Variants in ZZZ3 observed in about 807,000 individuals in gnomAD.
The protein encoded by ZZZ3 is ZZ-type zinc finger-containing protein 3.
ZZZ3 carries 22 observed loss-of-function variants against 95.2 expected under a neutral mutation model. The observed-to-expected ratio is 0.23, with a 90% CI of 0.17 to 0.33. The LOEUF (loss-of-function observed/expected upper bound fraction) is 0.33, where lower values mean the gene tolerates loss of function less well. Among genes scored for constraint, ZZZ3 ranks in the 10% least tolerant of loss-of-function variants. The pLI is 1.00. For synonymous variants in ZZZ3, 335 were observed against 358.9 expected, an observed-to-expected ratio of 0.93 and a Z score of 0.75; for missense variants, 885 against 1,066.5, an observed-to-expected ratio of 0.83 and a Z score of 2.37.
intron 1 of ZZZ3, among the ~76,000 whole-genome samples, chr1:77,668,756 T>C (rs1671476634): frequency 6.6e-6 from 1 of 152,124 alleles, no homozygotes; most frequent in Middle Eastern, 3.4e-3. Context: ...CACAAAAAAG[T>C]GACTATAAAC....
At chr1:77,634,427 T>A (rs1668115747) in intron 4 of ZZZ3, among the ~76,000 whole-genome samples, 1 of 152,168 alleles carries the variant, frequency 6.6e-6, no homozygotes, top group Non-Finnish European at 1.5e-5. Context: ...AAAATCACAA[T>A]GCTAGCTTGC....
chr1:77,604,113 G>A (rs1022642352), intron 5 of ZZZ3, among the ~76,000 whole-genome samples: 2 of 152,202 alleles, frequency 1.3e-5, no homozygotes, highest in African/African-American at 4.8e-5. Context: ...GCTGCAGGCT[G>A]CTATGTCTCC....
chr1:77,615,048 G>A lies in ZZZ3; in HGVS notation c.1505+16802C>T, dbSNP rs1570511139. 3 of 152,336 alleles carry A rather than the reference G, an allele frequency of 2.0e-5. 1 individual carries two copies. Among genetic ancestry groups the A allele is most frequent in the Admixed American group, 2.0e-4 (3 of 15,298 alleles). 9.4% of individuals were successfully genotyped at this position (152,336 alleles called of 1,614,324 possible). A position where few individuals can be genotyped will look rare whatever the true frequency, so the allele number is the denominator to read the frequency against. On this transcript the variant is annotated intron_variant, in intron 5 of 14. Transcript: ENST00000370801. The stretch of plus-strand genomic sequence containing the variant: ...GGCAGCAAGAGTGGAGGAATCCAGA[G>A]CAATCACTGCCTCCACACTGGTACA...
At chr1:77,682,832 C>T (rs1018326816), upstream of ZZZ3, among the ~76,000 whole-genome samples, 7 of 152,254 alleles carry the variant, frequency 4.6e-5, no homozygotes, top group African/African-American at 1.7e-4. Context: ...AGTCTTTCCG[C>T]TTTATACGTC....
chr1:77,567,057 G>A lies in ZZZ3; in HGVS notation c.2467-876C>T, dbSNP rs149332423. Among the ~76,000 whole-genome samples the A allele has an allele frequency of 3.5e-3, 528 of 152,308 alleles. 4 individuals carry two copies. Among genetic ancestry groups the A allele is most frequent in the Middle Eastern group, 0.02 (6 of 294 alleles). ...TCAAGAGGGAAAATCATTTAATATA[G>A]TATGGTTACTGGCTACTCTAGAGGA... On this transcript the variant is annotated intron_variant, in intron 13 of 14. Coordinates refer to ENST00000370801, the MANE Select transcript of ZZZ3 (RefSeq NM_015534.6).
chr1:77,582,500 AAC>A (rs908463066), intron 6 of ZZZ3, among the ~76,000 whole-genome samples: 3 of 152,124 alleles, frequency 2.0e-5, no homozygotes, highest in African/African-American at 7.2e-5. Context: ...TGTCCACTAA[AAC>A]AAACAAGTTA....
At chr1:77,672,033 T>A (rs1671830754) in intron 1 of ZZZ3, among the ~76,000 whole-genome samples, 1 of 152,124 alleles carries the variant, frequency 6.6e-6, no homozygotes, top group Non-Finnish European at 1.5e-5. Context: ...CAATAAGAGA[T>A]TTCATCAGGA....
chr1:77,615,507 C>G (rs1666224427), intron 5 of ZZZ3, among the ~76,000 whole-genome samples: 2 of 152,128 alleles, frequency 1.3e-5, no homozygotes, highest in Admixed American at 1.3e-4. Flanking sequence ...TGCAAAATGC[C>G]TATGGAGTTG....
chr1:77,665,136 G>C (rs1023821336), intron 1 of ZZZ3, among the ~76,000 whole-genome samples: 1 of 152,164 alleles, frequency 6.6e-6, no homozygotes, highest in African/African-American at 2.4e-5. Flanking sequence ...AACTTGATCT[G>C]GCAATAGAGT....
chr1:77,570,460 TTC>T (rs754503779), intron 12 of ZZZ3, among the ~76,000 whole-genome samples: 197 of 152,096 alleles, frequency 1.3e-3, no homozygotes, highest in Non-Finnish European at 2.2e-3. Context: ...TCTTAATACT[TTC>T]TACAATCGCT....
intron 5 of ZZZ3, among the ~76,000 whole-genome samples, chr1:77,626,656 T>C (rs538450234): frequency 3.6e-4 from 55 of 152,316 alleles, no homozygotes; most frequent in African/African-American, 1.3e-3. Flanking sequence ...TTTAGAAAGC[T>C]ACCTCTCTCT....
Position 77,682,628 on chromosome 1 carries a change from C to G in ZZZ3, c.-446G>C, listed in dbSNP as rs890238569. On this transcript the variant is annotated 5_prime_UTR_variant, in exon 1 of 15. Coordinates refer to ENST00000370801, the MANE Select transcript of ZZZ3 (RefSeq NM_015534.6). Reference sequence around the variant, plus strand: ...GGTCCCAGGCCCCCGGAACCCAAGGCTCCGCCATCCAGGACAACTGCTCTG... The same window carrying G: ...GGTCCCAGGCCCCCGGAACCCAAGGGTCCGCCATCCAGGACAACTGCTCTG... 3 of 152,390 alleles carry G rather than the reference C, an allele frequency of 2.0e-5. No individual in the cohort carries two copies. Among genetic ancestry groups the G allele is most frequent in the Non-Finnish European group, 2.9e-5 (2 of 68,086 alleles). 9.4% of individuals were successfully genotyped at this position (152,390 alleles called of 1,614,324 possible).
At chr1:77,651,257 T>G (rs1669780168) in intron 1 of ZZZ3, among the ~76,000 whole-genome samples, 1 of 152,086 alleles carries the variant, frequency 6.6e-6, no homozygotes, top group South Asian at 2.1e-4. Flanking sequence ...TAGTGGTGTG[T>G]GCCTGTGATC....
chr1:77,576,767 A>AG (rs1661995710), intron 11 of ZZZ3, among the ~76,000 whole-genome samples: 1 of 28,636 alleles, frequency 3.5e-5, no homozygotes, highest in African/African-American at 5.8e-5. Flanking sequence ...TAAAAAAAAA[A>AG]ACAAAAAAAC....
chr1:77,670,547 C>G (rs1156474084), intron 1 of ZZZ3, among the ~76,000 whole-genome samples: 2 of 152,110 alleles, frequency 1.3e-5, no homozygotes, highest in Non-Finnish European at 2.9e-5. Flanking sequence ...GCATGATGAG[C>G]CACTGCACCT....
chr1:77,628,903 G>A (rs1334709394), intron 5 of ZZZ3, among the ~76,000 whole-genome samples: 1 of 152,196 alleles, frequency 6.6e-6, no homozygotes, highest in African/African-American at 2.4e-5. Flanking sequence ...AACGTTTCTA[G>A]CACAGGGAGA....
chr1:77,673,725 T>C (rs1671997123), intron 1 of ZZZ3, among the ~76,000 whole-genome samples: 2 of 152,192 alleles, frequency 1.3e-5, no homozygotes, highest in South Asian at 4.1e-4. Context: ...CACACCACAA[T>C]GTTGTACTGT....
In ZZZ3 at chr1:77,633,150, T is replaced by C. The variant is rs148372060; in HGVS notation, c.205A>G (p.Thr69Ala). The change falls in exon 5 of 15, where the codon ACT (threonine) becomes GCT (alanine). Residue 69 changes from threonine to alanine, a missense_variant. Transcript: ENST00000370801. ...IQKGNNNGRT[T>A]DLKQQSTRES... ...CGGGTACTCTGCTGTTTTAAATCAG[T>C]GGTTCTCCCATTATTATTTCCTTTC... The C allele has an allele frequency of 6.2e-7, 1 of 1,613,956 alleles. No individual in the cohort carries two copies. The highest frequency in any genetic ancestry group is 8.5e-7 in the Non-Finnish European group (1 of 1,179,976).
chr1:77,662,117 G>A (rs982384457), intron 1 of ZZZ3, among the ~76,000 whole-genome samples: 2 of 151,868 alleles, frequency 1.3e-5, no homozygotes, highest in Admixed American at 6.6e-5. Context: ...AGGTTCAAGC[G>A]ATTCTTATGC....
Sources: allele counts gnomAD v4.1 joint callset (sites outside exome capture counted in the v4.1 genomes callset), GRCh38; gene constraint gnomAD v4.1.1; transcripts MANE v1.5; gene names NCBI Gene and HGNC (gene_info 2026-07-23, HGNC 2026-07-21).